CUBN: variants seen among roughly 807,000 people sequenced by gnomAD.
The protein encoded by CUBN is cubilin.
Under a neutral mutation model 405.3 loss-of-function variants are expected in CUBN, and 282 were observed. The ratio of observed to expected loss-of-function variants is 0.70; its 90% CI spans 0.63 to 0.77. The LOEUF (loss-of-function observed/expected upper bound fraction) is 0.77, where lower values mean the gene tolerates loss of function less well. CUBN is among the 30% of genes least tolerant of loss of function. The pLI, the probability that CUBN is intolerant of heterozygous loss-of-function variation, is 0.00. For synonymous variants in CUBN, 1,684 were observed against 1,617.0 expected (o/e 1.04, Z -0.99); for missense variants, 4,514 against 4,475.2 (o/e 1.01, Z -0.25).
intron 16 of CUBN, among the ~76,000 whole-genome samples, chr10:17,085,142 G>A (rs1428784416): frequency 6.6e-6 from 1 of 152,134 alleles, no homozygotes; most frequent in South Asian, 2.1e-4. Context: ...AGCAACTGAG[G>A]TCCTAACAGC....
At chr10:17,105,425 C>T (rs755942685) in intron 11 of CUBN, 32 bp downstream of exon 11, 12 of 1,204,384 alleles carry the variant, frequency 1.0e-5, no homozygotes, top group Admixed American at 3.4e-5. Flanking sequence ...TTCTCAGGTA[C>T]TCTCTGTCCA....
rs530476908 is a variant in CUBN at position 16,946,586 on chromosome 10, C to T, written c.5342+649G>A. On this transcript the variant is annotated intron_variant, in intron 36 of 66. Coordinates refer to ENST00000377833, the MANE Select transcript of CUBN (RefSeq NM_001081.4). Reference sequence around the variant, plus strand: ...TCTCAGTGCACCACAACCTCCACCTCCCAGGTTCAGGGCATTCTCCTGCCT... The same window carrying T: ...TCTCAGTGCACCACAACCTCCACCTTCCAGGTTCAGGGCATTCTCCTGCCT... Among the ~76,000 whole-genome samples, 9 of 151,376 alleles carry T rather than the reference C, an allele frequency of 5.9e-5. 1 individual carries two copies. Among genetic ancestry groups the T allele is most frequent in the Admixed American group, 5.9e-4 (9 of 15,210 alleles).
intron 31 of CUBN, among the ~76,000 whole-genome samples, chr10:16,965,346 A>G (rs914642641): frequency 1.3e-5 from 2 of 152,190 alleles, no homozygotes; most frequent in African/African-American, 4.8e-5. Flanking sequence ...AATTGCACGA[A>G]ATAAAGACCA....
intron 56 of CUBN, among the ~76,000 whole-genome samples, chr10:16,885,473 T>C (rs563566512): frequency 2.7e-4 from 41 of 152,260 alleles, no homozygotes; most frequent in African/African-American, 9.6e-4. Flanking sequence ...TACACACATA[T>C]ATAGCAAAGT....
intron 14 of CUBN, among the ~76,000 whole-genome samples, chr10:17,095,072 G>T (rs988668143): frequency 7.2e-5 from 11 of 152,068 alleles, no homozygotes; most frequent in African/African-American, 2.4e-4. Context: ...TAGACCTATG[G>T]AACAGAATAG....
chr10:16,865,393 C>T (rs542018380), intron 59 of CUBN, among the ~76,000 whole-genome samples: 1 of 152,238 alleles, frequency 6.6e-6, no homozygotes, highest in Admixed American at 6.5e-5. Context: ...TGCAACCTGA[C>T]TCAGTCTCCA....
At position 17,085,609 on chromosome 10, in the gene CUBN, A is replaced by C. The variant is rs1836088631; in HGVS notation, c.2098T>G (p.Leu700Val). 5 of 1,614,150 alleles carry C rather than the reference A, an allele frequency of 3.1e-6. No homozygotes were observed. The highest frequency in any genetic ancestry group is 4.2e-6 in the Non-Finnish European group (5 of 1,179,988). ...ISDQGFHITYLTSPSDLRCGG... is the reference protein window; with the variant it reads ...ISDQGFHITYVTSPSDLRCGG... Reference sequence around the variant, plus strand: ...GTAGGTTACTTACAAGGTGATGTTAAGTAGGTGATATGGAAGCCTTGGTCA... The same window carrying C: ...GTAGGTTACTTACAAGGTGATGTTACGTAGGTGATATGGAAGCCTTGGTCA... The change falls in exon 16 of 67, where the codon TTA (leucine) becomes GTA (valine). Residue 700 changes from leucine (L) to valine (V), a missense_variant. This residue lies in a region of CUBN where 1,448 missense variants were observed against 1,388.0 expected (regional missense o/e 1.04). Coordinates refer to ENST00000377833, the MANE Select transcript of CUBN (RefSeq NM_001081.4).
In CUBN at chr10:17,122,852, C is replaced by T. The variant is rs370373276; in HGVS notation, c.536G>A (p.Gly179Glu). Residue 179 changes from glycine (G) to glutamate (E), a missense_variant, in exon 6 of 67, where the codon GGA (glycine) becomes GAA (glutamate). Transcript: ENST00000377833. ...TCCATTCTGGCAGCTCAAGGGTGTTCCTGAGTAAATCTCACATTCGTTAAC... is the reference window on the plus strand; with the variant it reads ...TCCATTCTGGCAGCTCAAGGGTGTTTCTGAGTAAATCTCACATTCGTTAAC... ...ADVNECEIYSGTPLSCQNGGT... is the reference protein window; with the variant it reads ...ADVNECEIYSETPLSCQNGGT... 6.2e-7 allele frequency: 1 copy of T among 1,613,616 alleles called. No homozygotes were observed. Among genetic ancestry groups the T allele is most frequent in the Non-Finnish European group, 8.5e-7 (1 of 1,179,924 alleles).
At chr10:17,091,922 A>G (rs901569703) in intron 14 of CUBN, among the ~76,000 whole-genome samples, 12 of 152,212 alleles carry the variant, frequency 7.9e-5, no homozygotes, top group Non-Finnish European at 1.6e-4. Flanking sequence ...CACTCTGCCT[A>G]TGGAGTAGCC....
intron 51 of CUBN, among the ~76,000 whole-genome samples, chr10:16,902,218 TA>T (rs1763948932): frequency 7.4e-6 from 1 of 135,572 alleles, no homozygotes; most frequent in African/African-American, 2.8e-5. Context: ...ATATATATAG[TA>T]TATATATGTA....
At chr10:16,978,098 CA>C (rs1489824366) in intron 31 of CUBN, among the ~76,000 whole-genome samples, 3 of 152,316 alleles carry the variant, frequency 2.0e-5, no homozygotes, top group African/African-American at 7.2e-5. Flanking sequence ...TCAGGTAACT[CA>C]AATATTGAAT....
intron 27 of CUBN, among the ~76,000 whole-genome samples, chr10:17,038,677 C>CTG (rs1011786120): frequency 7.9e-5 from 12 of 152,168 alleles, no homozygotes; most frequent in East Asian, 7.7e-4. Flanking sequence ...AGCTAGATTT[C>CTG]TGTGTGTGTG....
chr10:16,978,025 A>G (rs1006636585), intron 31 of CUBN, among the ~76,000 whole-genome samples: 1 of 152,264 alleles, frequency 6.6e-6, no homozygotes, highest in African/African-American at 2.4e-5. Context: ...TCCAGTGCCT[A>G]GATGCACGAG....
intron 17 of CUBN, among the ~76,000 whole-genome samples, chr10:17,073,498 G>A (rs1271806396): frequency 2.1e-5 from 3 of 142,416 alleles, no homozygotes; most frequent in Non-Finnish European, 3.0e-5. Context: ...CCAGGCTGGA[G>A]TGCAATGGCG....
At chr10:16,966,042 G>A (rs1483204954) in intron 31 of CUBN, 2 of 467,700 alleles carry the variant, frequency 4.3e-6, no homozygotes, top group Admixed American at 4.8e-5. Flanking sequence ...ATGATTCTGT[G>A]AAGCTAAGTG....
chr10:17,033,202 T>C (rs78267244), intron 27 of CUBN, among the ~76,000 whole-genome samples: 4,650 of 152,286 alleles, frequency 0.031, 279 homozygotes, highest in African/African-American at 0.11. Flanking sequence ...CCTGTCCACC[T>C]GAGAGCCTCA....
intron 60 of CUBN, among the ~76,000 whole-genome samples, chr10:16,842,178 G>T (rs748689252): frequency 2.3e-4 from 35 of 151,526 alleles, no homozygotes; most frequent in Non-Finnish European, 4.3e-4. Flanking sequence ...CCAAGTACCT[G>T]GGACTACAGG....
intron 65 of CUBN, among the ~76,000 whole-genome samples, chr10:16,830,241 T>C (rs1838942856): frequency 6.6e-6 from 1 of 152,146 alleles, no homozygotes; most frequent in Admixed American, 6.5e-5. Flanking sequence ...ATCTTGGTGT[T>C]TTATTTGCTC....
chr10:16,931,704 G>A (rs1842368951), intron 40 of CUBN, among the ~76,000 whole-genome samples: 1 of 152,164 alleles, frequency 6.6e-6, no homozygotes, highest in South Asian at 2.1e-4. Context: ...GGAGGTATTT[G>A]TCTATCTCAC....
Sources: allele counts gnomAD v4.1 joint callset (sites outside exome capture counted in the v4.1 genomes callset), GRCh38; gene constraint gnomAD v4.1.1; regional missense constraint gnomAD v4.1.1; transcripts MANE v1.5; gene names NCBI Gene and HGNC (gene_info 2026-07-23, HGNC 2026-07-21).